Variants in STK32B observed in about 807,000 individuals in gnomAD.
The protein encoded by STK32B is serine/threonine kinase 32B, also known as serine/threonine-protein kinase 32B.
Under a neutral mutation model 52.6 loss-of-function variants are expected in STK32B, and 43 were observed. The ratio of observed to expected loss-of-function variants is 0.82; its 90% CI spans 0.64 to 1.05. STK32B has a LOEUF of 1.05. STK32B is among the 50% of genes least tolerant of loss of function. STK32B has a pLI of 0.00. For synonymous variants in STK32B, 238 were observed against 204.3 expected (o/e 1.17, Z -1.41); for missense variants, 621 against 534.6 (o/e 1.16, Z -1.59).
intron 11 of STK32B, among the ~76,000 whole-genome samples, chr4:5,483,085 G>T (rs1577044068): frequency 1.3e-5 from 2 of 152,056 alleles, no homozygotes; most frequent in South Asian, 2.1e-4. Context: ...TTGGTATCAG[G>T]ATGATGCTGG....
At chr4:5,034,944 C>T in the STK32B span, among the ~76,000 whole-genome samples, 1 of 152,210 alleles carries the variant, frequency 6.6e-6, no homozygotes, top group Non-Finnish European at 1.5e-5. Flanking sequence ...CAACGACTTC[C>T]TTTGAATGGT....
intron 3 of STK32B, among the ~76,000 whole-genome samples, chr4:5,245,172 G>T (rs1384720107): frequency 2.6e-5 from 4 of 152,200 alleles, no homozygotes; most frequent in Non-Finnish European, 1.5e-5. Context: ...AATGTTGACA[G>T]TGGGGTGTTA....
intron 3 of STK32B, among the ~76,000 whole-genome samples, chr4:5,241,287 A>G (rs1035397231): frequency 1.3e-5 from 2 of 152,220 alleles, no homozygotes; most frequent in Admixed American, 6.5e-5. Context: ...TGGTATCAAG[A>G]TGATATACCA....
At chr4:5,185,737 A>G (rs1051115173) in intron 3 of STK32B, among the ~76,000 whole-genome samples, 4 of 152,204 alleles carry the variant, frequency 2.6e-5, no homozygotes, top group African/African-American at 9.7e-5. Flanking sequence ...TGCCCTTCAC[A>G]GGACAGGTCT....
intron 5 of STK32B, among the ~76,000 whole-genome samples, chr4:5,401,742 A>AGG (rs901503403): frequency 6.6e-6 from 1 of 152,206 alleles, no homozygotes; most frequent in Non-Finnish European, 1.5e-5. Context: ...ACATAGAGGG[A>AGG]GGGGGGAAGC....
At chr4:5,209,201 C>G (rs1722759209) in intron 3 of STK32B, among the ~76,000 whole-genome samples, 1 of 152,160 alleles carries the variant, frequency 6.6e-6, no homozygotes. Context: ...ACTTATGTGT[C>G]AGGAAATAGA....
At chr4:5,475,402 G>A (rs1328799861) in intron 11 of STK32B, among the ~76,000 whole-genome samples, 1 of 136,526 alleles carries the variant, frequency 7.3e-6, no homozygotes, top group Non-Finnish European at 1.5e-5. Flanking sequence ...TCCAGCCTGG[G>A]TGACAGTGCA....
At chr4:5,313,935 T>A (rs537412390) in intron 3 of STK32B, among the ~76,000 whole-genome samples, 93 of 152,250 alleles carry the variant, frequency 6.1e-4, no homozygotes, top group Non-Finnish European at 1.1e-3. Context: ...AGAAATCAAA[T>A]AAGACCTAAA....
At position 5,144,881 on chromosome 4, in the gene STK32B, G is replaced by T. The variant is rs533316648; in HGVS notation, c.108+4921G>T. On this transcript the variant is annotated intron_variant, in intron 2 of 11. Transcript: ENST00000282908. ...TCTGGGCCCTATTCTAGGTACTGAG[G>T]TTACAAAAGTAAACCAGATATGGTG... Among the ~76,000 whole-genome samples, 65 of 152,186 alleles carry T rather than the reference G, an allele frequency of 4.3e-4. 1 individual carries two copies. The highest frequency in any genetic ancestry group is 1.5e-3 in the African/African-American group (63 of 41,522).
chr4:5,364,479 A>T (rs749508003), intron 4 of STK32B, among the ~76,000 whole-genome samples: 85 of 152,200 alleles, frequency 5.6e-4, no homozygotes, highest in Non-Finnish European at 9.8e-4. Context: ...CAGCTGGGCC[A>T]TTACAGTGGA....
At chr4:5,278,999 A>C (rs774654494) in intron 3 of STK32B, among the ~76,000 whole-genome samples, 10 of 152,142 alleles carry the variant, frequency 6.6e-5, no homozygotes, top group Non-Finnish European at 1.2e-4. Flanking sequence ...TGACAATTAC[A>C]ATTTGACATG....
intron 4 of STK32B, among the ~76,000 whole-genome samples, chr4:5,369,807 G>A (rs950930182): frequency 6.6e-6 from 1 of 152,118 alleles, no homozygotes; most frequent in Non-Finnish European, 1.5e-5. Context: ...ATCCTATTAG[G>A]TGCAGTTTCC....
chr4:5,066,950 G>C (rs1742449185), intron 1 of STK32B, among the ~76,000 whole-genome samples: 1 of 152,162 alleles, frequency 6.6e-6, no homozygotes, highest in Admixed American at 6.6e-5. Context: ...GAACACAGTT[G>C]TAATATTGCA....
intron 1 of STK32B, among the ~76,000 whole-genome samples, chr4:5,070,930 A>G (rs1438641426): frequency 6.6e-6 from 1 of 152,124 alleles, no homozygotes; most frequent in African/African-American, 2.4e-5. Flanking sequence ...AAATGGAGGA[A>G]TGGTGGATGG....
intron 2 of STK32B, among the ~76,000 whole-genome samples, chr4:5,160,993 GAGT>G (rs1190916345): frequency 1.3e-5 from 2 of 152,158 alleles, no homozygotes; most frequent in Non-Finnish European, 2.9e-5. Flanking sequence ...TCGCTGTGGG[GAGT>G]AGGAGGGGAA....
intron 11 of STK32B, among the ~76,000 whole-genome samples, chr4:5,483,803 G>A (rs1718921084): frequency 6.6e-6 from 1 of 152,058 alleles, no homozygotes; most frequent in Non-Finnish European, 1.5e-5. Flanking sequence ...GTTCTCGTTG[G>A]TTTCAAAGAA....
chr4:5,208,273 G>A (rs1722701700), intron 3 of STK32B, among the ~76,000 whole-genome samples: 1 of 152,122 alleles, frequency 6.6e-6, no homozygotes, highest in African/African-American at 2.4e-5. Context: ...CCAGCCACAG[G>A]GAGTCAGAAA....
intron 6 of STK32B, among the ~76,000 whole-genome samples, chr4:5,436,860 G>A (rs1328390025): frequency 6.6e-6 from 1 of 152,174 alleles, no homozygotes; most frequent in Non-Finnish European, 1.5e-5. Flanking sequence ...TGGAGAACAC[G>A]ATGAGTTTCA....
At chr4:5,309,600 T>G (rs528074763) in intron 3 of STK32B, among the ~76,000 whole-genome samples, 37 of 152,254 alleles carry the variant, frequency 2.4e-4, no homozygotes, top group African/African-American at 8.2e-4. Flanking sequence ...CCAATGGACT[T>G]TTGGCAAAGG....
Sources: gnomAD v4.1 joint callset for allele counts (sites outside exome capture counted in the v4.1 genomes callset) on GRCh38, gnomAD v4.1.1 for gene constraint, MANE v1.5 for transcripts, NCBI Gene and HGNC (gene_info 2026-07-23, HGNC 2026-07-21) for gene names.